SORBS2: variants seen among roughly 807,000 people sequenced by gnomAD.
SORBS2 encodes the protein sorbin and SH3 domain containing 2, also known as sorbin and SH3 domain-containing protein 2.
A neutral mutation model predicts 97.7 loss-of-function variants in SORBS2; 46 were observed. The observed-to-expected ratio is 0.47, with a 90% confidence interval of 0.37 to 0.60. The LOEUF (loss-of-function observed/expected upper bound fraction) is 0.60. Among genes scored for constraint, SORBS2 ranks in the 20% least tolerant of loss-of-function variants. SORBS2 has a pLI of 0.00. For missense variants in SORBS2, 1,316 were observed against 1,282.3 expected, an observed-to-expected ratio of 1.03 and a Z score of -0.40; for synonymous variants, 476 against 473.4, an observed-to-expected ratio of 1.01 and a Z score of -0.07.
chr4:185,675,576 A>T (rs542400714), intron 4 of SORBS2, among the ~76,000 whole-genome samples: 29 of 152,334 alleles, frequency 1.9e-4, no homozygotes, highest in African/African-American at 6.7e-4. Context: ...CTGGGGGAGC[A>T]ACTTACTTCT....
chr4:185,818,171 AT>A (rs1312602815), intron 1 of SORBS2, among the ~76,000 whole-genome samples: 1 of 152,180 alleles, frequency 6.6e-6, no homozygotes, highest in Non-Finnish European at 1.5e-5. Flanking sequence ...CCAGGTCAGA[AT>A]TCAGTGCCTA....
chr4:185,855,607 TA>T (rs980679328), intron 1 of SORBS2, among the ~76,000 whole-genome samples: 3 of 152,184 alleles, frequency 2.0e-5, no homozygotes, highest in Non-Finnish European at 4.4e-5. Context: ...AAGCATTTTC[TA>T]AAAGCAAAGT....
chr4:185,751,341 C>A (rs1022774543), intron 2 of SORBS2, among the ~76,000 whole-genome samples: 1 of 151,842 alleles, frequency 6.6e-6, no homozygotes, highest in Non-Finnish European at 1.5e-5. Context: ...AGACCAAGGG[C>A]AAACCGAAAC....
Position 185,623,286 on chromosome 4 carries a change from T to A in SORBS2, c.1843A>T (p.Asn615Tyr), listed in dbSNP as rs777420029. 4 of 1,614,104 alleles carry A rather than the reference T, an allele frequency of 2.5e-6. No homozygotes were observed. In the East Asian group the frequency reaches 8.9e-5, roughly 36 times the overall value. Reference sequence around the variant, plus strand: ...TCAGTCTGTTTCTTAGGAGCCGAATTTTTTTTCCTCCGGAAAGGCACAGGA... The same window carrying A: ...TCAGTCTGTTTCTTAGGAGCCGAATATTTTTTCCTCCGGAAAGGCACAGGA... The change falls in exon 7 of 15, where the codon AAT (asparagine) becomes TAT (tyrosine). Residue 615 changes from asparagine to tyrosine, a missense_variant. Asn to Tyr is a moderately radical substitution (Grantham distance 143). Transcript: ENST00000418609. The surrounding 1 kb of genome is among the most constrained non-coding windows in gnomAD (Gnocchi z 6.4).
chr4:185,645,447 AT>A (rs2097192727), intron 4 of SORBS2: 1 of 152,108 alleles, frequency 6.6e-6, no homozygotes, highest in Admixed American at 6.5e-5. Flanking sequence ...TCTAAAAGAT[AT>A]GAGTTATTTA....
rs1382677125 is a variant in SORBS2, at chr4:185,779,964, C to T, written c.-337-4598G>A. On this transcript the variant is annotated intron_variant, in intron 1 of 20. Transcript: ENST00000284776. Reference sequence around the variant, plus strand: ...GATGAACAGGGAAGTGCTGAAGTCACGCACATTGTAAGCAAAATGAAGGCT... The same window carrying T: ...GATGAACAGGGAAGTGCTGAAGTCATGCACATTGTAAGCAAAATGAAGGCT... Among the ~76,000 whole-genome samples, 8 of 150,374 alleles carry T rather than the reference C, an allele frequency of 5.3e-5. No individual in the cohort carries two copies. In the East Asian group the frequency reaches 5.9e-4, roughly 11 times the overall value.
At chr4:185,798,044 C>A (rs1379198656) in intron 1 of SORBS2, among the ~76,000 whole-genome samples, 1 of 152,214 alleles carries the variant, frequency 6.6e-6, no homozygotes, top group African/African-American at 2.4e-5. Flanking sequence ...AGCAAGTCGA[C>A]TAGTCACCAC....
rs138794102 is a variant in SORBS2, at chr4:185,955,504, A to G, written c.-338+692T>C. Among the ~76,000 whole-genome samples, 1,027 of 152,284 alleles carry G rather than the reference A, an allele frequency of 6.7e-3. 12 individuals carry two copies. Among genetic ancestry groups the G allele is most frequent in the African/African-American group, 0.024 (987 of 41,548 alleles). ...CACTCTCAGAAATAAACGCTCCACA[A>G]AGCAATCTCATGCCTCACCTAATGC... On this transcript the variant is annotated intron_variant, in intron 1 of 20. Transcript: ENST00000284776.
In SORBS2 at chr4:185,693,019, C is replaced by T. The variant is rs147274640; in HGVS notation, c.-197-14197G>A. Among the ~76,000 whole-genome samples the T allele has an allele frequency of 3.4e-3, 512 of 152,222 alleles. 5 individuals carry two copies. Among genetic ancestry groups the T allele is most frequent in the African/African-American group, 0.012 (495 of 41,538 alleles). On this transcript the variant is annotated intron_variant, in intron 2 of 20. Transcript: ENST00000284776. ...GTGTGGTCTGTGTTCAGTGTCATAT[C>T]GTTGTCCGTCTGCCCTGGGCATCAT...
chr4:185,760,233 T>A (rs2098867439), intron 2 of SORBS2, among the ~76,000 whole-genome samples: 1 of 152,194 alleles, frequency 6.6e-6, no homozygotes, highest in African/African-American at 2.4e-5. Flanking sequence ...GTTGGCCAAA[T>A]ATGAGGAAAG....
At chr4:185,758,747 G>C (rs2098845972) in intron 2 of SORBS2, among the ~76,000 whole-genome samples, 1 of 152,080 alleles carries the variant, frequency 6.6e-6, no homozygotes, top group South Asian at 2.1e-4. Context: ...AGCTATCCTG[G>C]CCTCCTTGCT....
chr4:185,842,319 C>G (rs966994904), intron 1 of SORBS2, among the ~76,000 whole-genome samples: 3 of 152,082 alleles, frequency 2.0e-5, no homozygotes, highest in African/African-American at 7.2e-5. Flanking sequence ...ACTTGGTTGG[C>G]TCAAGAAAGA....
At chr4:185,863,268 G>A (rs911167751) in intron 1 of SORBS2, among the ~76,000 whole-genome samples, 1 of 151,452 alleles carries the variant, frequency 6.6e-6, no homozygotes, top group Non-Finnish European at 1.5e-5. Context: ...GAGTGCCTGT[G>A]TGTGCCAGGC....
At chr4:185,685,999 AC>A (rs1268623057) in intron 2 of SORBS2, among the ~76,000 whole-genome samples, 1 of 152,188 alleles carries the variant, frequency 6.6e-6, no homozygotes, top group Non-Finnish European at 1.5e-5. Flanking sequence ...TCTATTTATG[AC>A]CAGATTCAAA....
At chr4:185,680,935 G>A (rs1281721599) in intron 2 of SORBS2, among the ~76,000 whole-genome samples, 2 of 152,116 alleles carry the variant, frequency 1.3e-5, no homozygotes, top group African/African-American at 4.8e-5. Flanking sequence ...GTTTCTTCCT[G>A]GGACACTGGG....
rs375494932 is a variant in SORBS2, at chr4:185,642,396, C to T, written c.396+4272G>A. 4.2e-4 allele frequency among the ~76,000 whole-genome samples: 64 copies of T among 151,180 alleles called. 1 individual carries two copies. Among genetic ancestry groups the T allele is most frequent in the African/African-American group, 1.5e-3 (62 of 40,950 alleles). ...AGCATACAGAGGTCCTAAACAAATG[C>T]TTTATTAATTTTTTTTTTTAAATTT... On this transcript the variant is annotated intron_variant, in intron 4 of 14. Transcript: ENST00000418609.
chr4:185,717,303 G>A (rs1207216346), intron 2 of SORBS2, among the ~76,000 whole-genome samples: 1 of 151,926 alleles, frequency 6.6e-6, no homozygotes, highest in Non-Finnish European at 1.5e-5. Context: ...GAAGAAAAGG[G>A]CAGTGATTGC....
chr4:185,657,366 C>T (rs570516084), upstream of SORBS2: 27 of 1,427,768 alleles, frequency 1.9e-5, no homozygotes, highest in South Asian at 3.4e-4. Context: ...GTGGACAATC[C>T]GTCCTTTGTG....
intron 1 of SORBS2, among the ~76,000 whole-genome samples, chr4:185,880,175 G>C (rs1239431952): frequency 2.0e-5 from 3 of 152,210 alleles, no homozygotes; most frequent in Non-Finnish European, 4.4e-5. Flanking sequence ...ACTGCCGCCT[G>C]TGTCTGAATC....
Sources: gnomAD v4.1 joint callset for allele counts (sites outside exome capture counted in the v4.1 genomes callset) on GRCh38, gnomAD v4.1.1 for gene constraint, Gnocchi (gnomAD v3.1) non-coding constraint, MANE v1.5 for transcripts, NCBI Gene and HGNC (gene_info 2026-07-23, HGNC 2026-07-21) for gene names.